The following SEMA6D variants were observed in gnomAD, a reference collection of about 807,000 sequenced individuals.
SEMA6D encodes semaphorin 6D, also known as semaphorin-6D.
A neutral mutation model predicts 106.6 loss-of-function variants in SEMA6D; 35 were observed. The observed-to-expected ratio is 0.33, with a 90% CI of 0.25 to 0.44. SEMA6D has a LOEUF of 0.44. Ranked by LOEUF, SEMA6D falls within the 20% of genes least tolerant of loss-of-function variation. The pLI is 1.00. For synonymous variants in SEMA6D, 499 were observed against 487.7 expected, an observed-to-expected ratio of 1.02 and a Z score of -0.31; for missense variants, 1,185 against 1,345.9, an observed-to-expected ratio of 0.88 and a Z score of 1.87.
intron 3 of SEMA6D, among the ~76,000 whole-genome samples, chr15:47,562,661 G>A (rs1019991719): frequency 6.6e-6 from 1 of 151,976 alleles, no homozygotes; most frequent in Non-Finnish European, 1.5e-5. Flanking sequence ...ATACACGCTA[G>A]AATGACTATA....
chr15:47,315,021 A>G (rs1316295080), intron 1 of SEMA6D, among the ~76,000 whole-genome samples: 3 of 150,502 alleles, frequency 2.0e-5, no homozygotes, highest in African/African-American at 4.9e-5. Flanking sequence ...GCCCGCCATC[A>G]CGCCCGGCTA....
intron 1 of SEMA6D, among the ~76,000 whole-genome samples, chr15:47,254,636 A>C (rs1363564572): frequency 6.6e-6 from 1 of 152,188 alleles, no homozygotes; most frequent in Non-Finnish European, 1.5e-5. Flanking sequence ...AAAGATGTTG[A>C]ATTTCATTGA....
chr15:47,387,318 C>A (rs1046401829), intron 1 of SEMA6D, among the ~76,000 whole-genome samples: 11 of 152,084 alleles, frequency 7.2e-5, no homozygotes, highest in African/African-American at 2.7e-4. Flanking sequence ...TGTAATTTTC[C>A]CAAGGTCATG....
intron 4 of SEMA6D, among the ~76,000 whole-genome samples, chr15:47,652,516 TC>T (rs775737643): frequency 1.4e-3 from 209 of 152,284 alleles, no homozygotes; most frequent in African/African-American, 4.7e-3. Flanking sequence ...GTCTCCAATT[TC>T]CCGAGAGTGT....
At chr15:47,303,060 C>A (rs1235273541) in intron 1 of SEMA6D, among the ~76,000 whole-genome samples, 1 of 152,184 alleles carries the variant, frequency 6.6e-6, no homozygotes, top group Non-Finnish European at 1.5e-5. Context: ...ACTGAAGATT[C>A]TGATTTAATT....
At chr15:47,624,110 T>A (rs1205523318) in intron 4 of SEMA6D, among the ~76,000 whole-genome samples, 1 of 152,168 alleles carries the variant, frequency 6.6e-6, no homozygotes, top group African/African-American at 2.4e-5. Context: ...ATATGATCTG[T>A]CCTCACCTTC....
intron 4 of SEMA6D, among the ~76,000 whole-genome samples, chr15:47,685,973 A>C (rs1051055726): frequency 6.6e-6 from 1 of 152,242 alleles, no homozygotes; most frequent in Non-Finnish European, 1.5e-5. Context: ...CAGAGAGCCC[A>C]CTGGAGAGCA....
chr15:47,620,434 G>C (rs1350897684), intron 4 of SEMA6D, among the ~76,000 whole-genome samples: 1 of 152,006 alleles, frequency 6.6e-6, no homozygotes, highest in Non-Finnish European at 1.5e-5. Context: ...AAGACAATGG[G>C]GACTTGTAAT....
chr15:47,301,026 C>G (rs942732328), intron 1 of SEMA6D, among the ~76,000 whole-genome samples: 1 of 152,190 alleles, frequency 6.6e-6, no homozygotes, highest in African/African-American at 2.4e-5. Context: ...TCTTGAGATA[C>G]AAGGACAGGC....
At chr15:47,720,190 T>G (rs938255525) in intron 1 of SEMA6D, among the ~76,000 whole-genome samples, 1 of 152,198 alleles carries the variant, frequency 6.6e-6, no homozygotes, top group Non-Finnish European at 1.5e-5. Context: ...TAGCAACTAT[T>G]TCTTACTGCA....
chr15:47,645,636 A>G (rs1341082570), intron 4 of SEMA6D, among the ~76,000 whole-genome samples: 2 of 152,010 alleles, frequency 1.3e-5, no homozygotes, highest in African/African-American at 4.8e-5. Flanking sequence ...ACTATAATTC[A>G]TTCCAGCCCT....
intron 1 of SEMA6D, among the ~76,000 whole-genome samples, chr15:47,402,747 C>CATT (rs780199648): frequency 8.2e-6 from 1 of 121,512 alleles, no homozygotes; most frequent in African/African-American, 3.1e-5. Context: ...GTGAGCCAGA[C>CATT]TTTTTTTTTT....
chr15:47,600,860 T>G (rs1367284224), intron 3 of SEMA6D: 1 of 152,182 alleles, frequency 6.6e-6, no homozygotes, highest in South Asian at 2.1e-4. Flanking sequence ...CTTTTCTTTT[T>G]TCAGGTTTTT....
intron 1 of SEMA6D, among the ~76,000 whole-genome samples, chr15:47,373,234 C>G (rs781650739): frequency 6.6e-6 from 1 of 152,174 alleles, no homozygotes; most frequent in Non-Finnish European, 1.5e-5. Flanking sequence ...TATGGCCCCC[C>G]ACTTGTGCTT....
chr15:47,664,245 A>G lies in SEMA6D; in HGVS notation c.-55+63349A>G, dbSNP rs191558262. 2.1e-4 allele frequency among the ~76,000 whole-genome samples: 32 copies of G among 152,262 alleles called. No individual in the cohort carries two copies. The East Asian group carries it at 5.8e-3, about 28-fold the overall frequency. Reference sequence around the variant, plus strand: ...CTTGTCTTACTTTTTTAAGGTGCCTATCTTATGCTTTACAAATCCAGGCAC... The same window carrying G: ...CTTGTCTTACTTTTTTAAGGTGCCTGTCTTATGCTTTACAAATCCAGGCAC... On this transcript the variant is annotated intron_variant, in intron 4 of 19. Transcript: ENST00000558014.
At chr15:47,351,159 C>T (rs913776171) in intron 1 of SEMA6D, among the ~76,000 whole-genome samples, 1 of 152,132 alleles carries the variant, frequency 6.6e-6, no homozygotes, top group African/African-American at 2.4e-5. Flanking sequence ...GTTCTTTCTC[C>T]TCATTTCTAT....
At chr15:47,430,672 T>C (rs563717310) in intron 2 of SEMA6D, among the ~76,000 whole-genome samples, 1 of 152,028 alleles carries the variant, frequency 6.6e-6, no homozygotes, top group Non-Finnish European at 1.5e-5. Context: ...CCTTTCAATG[T>C]TATAACTTGC....
chr15:47,504,305 T>C (rs2043961773), intron 3 of SEMA6D, among the ~76,000 whole-genome samples: 1 of 152,172 alleles, frequency 6.6e-6, no homozygotes, highest in South Asian at 2.1e-4. Flanking sequence ...GCTGGCTGCC[T>C]CTGTCCTCAC....
intron 1 of SEMA6D, among the ~76,000 whole-genome samples, chr15:47,245,235 T>C (rs559682249): frequency 6.6e-6 from 1 of 152,294 alleles, no homozygotes; most frequent in East Asian, 1.9e-4. Flanking sequence ...GGTTTCTGGG[T>C]CAAATGGTAG....
Sources: gnomAD v4.1 joint callset for allele counts (sites outside exome capture counted in the v4.1 genomes callset) on GRCh38, gnomAD v4.1.1 for gene constraint, MANE v1.5 for transcripts, NCBI Gene and HGNC (gene_info 2026-07-23, HGNC 2026-07-21) for gene names.